WEE2: variants seen among roughly 807,000 people sequenced by gnomAD.
The protein encoded by WEE2 is wee1-like protein kinase 2.
A neutral mutation model predicts 60.1 loss-of-function variants in WEE2; 50 were observed. That is an observed-to-expected ratio of 0.83 (90% CI 0.66 to 1.05). The LOEUF (loss-of-function observed/expected upper bound fraction) is 1.05, where lower values mean the gene tolerates loss of function less well. Ranked by LOEUF, WEE2 falls within the 50% of genes least tolerant of loss-of-function variation. The probability of loss-of-function intolerance (pLI) is 0.00; values close to 1 mark genes in which losing one functional copy is unlikely to be tolerated. For missense variants in WEE2, 631 were observed against 684.3 expected (o/e 0.92, Z 0.87); for synonymous variants, 240 against 241.0 (o/e 1.00, Z 0.04).
rs565451401 is a variant in WEE2, at chr7:141,714,282, C to T, written c.416C>T (p.Thr139Ile). 3 of 1,613,976 alleles carry T rather than the reference C, an allele frequency of 1.9e-6. 1 individual carries two copies. Among genetic ancestry groups the T allele is most frequent in the East Asian group, 2.2e-5 (1 of 44,880 alleles). The part of the protein sequence containing the change: ...PSRGPKHLKL[T>I]PAPLKDEMTS... Reference sequence around the variant, plus strand: ...AGAGGCCCTAAGCATTTGAAGCTCACACCTGCTCCCCTCAAGGATGAGATG... The same window carrying T: ...AGAGGCCCTAAGCATTTGAAGCTCATACCTGCTCCCCTCAAGGATGAGATG... Residue 139 changes from threonine to isoleucine, a missense_variant, in exon 2 of 12, where the codon ACA becomes ATA. Transcript: ENST00000397541.
At chr7:141,709,193 G>C (rs1042391771) in intron 1 of WEE2, 93 bp downstream of exon 1, 1 of 947,666 alleles carries the variant, frequency 1.1e-6, no homozygotes, top group Non-Finnish European at 1.6e-6. Flanking sequence ...GTGTATGACA[G>C]TCACCTCCAG....
chr7:141,729,743 C>T, intron 11 of WEE2, 70 bp downstream of exon 11: 1 of 1,518,874 alleles, frequency 6.6e-7, no homozygotes, highest in South Asian at 1.3e-5. Flanking sequence ...AATCCCAACA[C>T]TTTGGGAGGC....
intron 4 of WEE2, among the ~76,000 whole-genome samples, 169 bp downstream of exon 4, chr7:141,719,413 C>CCT (rs1191338316): frequency 6.6e-6 from 1 of 152,122 alleles, no homozygotes; most frequent in Non-Finnish European, 1.5e-5. Context: ...TTTTCCAGCT[C>CCT]AGAGATGTTA....
In WEE2 at chr7:141,725,441, C is replaced by T. The variant is rs533228462; in HGVS notation, c.1392+245C>T. Among the ~76,000 whole-genome samples the T allele has an allele frequency of 2.6e-4, 40 of 152,026 alleles. No homozygotes were observed. The East Asian group carries it at 7.7e-3, about 29-fold the overall frequency. On this transcript the variant is annotated intron_variant, in intron 9 of 11. Transcript: ENST00000397541. ...GAAGATGAGACCATCCTGGCTAACA[C>T]GGTGAAACCCCGTCTCTACTAAAAA... is the stretch of plus-strand genomic sequence containing the variant.
At chr7:141,718,690 G>C (rs1798849526) in intron 3 of WEE2, among the ~76,000 whole-genome samples, 1 of 152,006 alleles carries the variant, frequency 6.6e-6, no homozygotes, top group South Asian at 2.1e-4. Flanking sequence ...AAAGAAGGGG[G>C]GTCTTTCATT....
chr7:141,714,425 T>C lies in WEE2; in HGVS notation c.539+20T>C, dbSNP rs76292981. The C allele has an allele frequency of 2.3e-4, 368 of 1,583,632 alleles. 1 individual carries two copies. In the African/African-American group the frequency reaches 4.0e-3, roughly 17 times the overall value. On this transcript the variant is annotated intron_variant, in intron 2 of 11. Transcript: ENST00000397541. ...AGATCTGTAAGTGCTCTATTACTTATGACTTTTGAGAACTGACCCTACTAC... is the reference window on the plus strand; with the variant it reads ...AGATCTGTAAGTGCTCTATTACTTACGACTTTTGAGAACTGACCCTACTAC...
At chr7:141,715,023 A>T (rs1259288437) in intron 2 of WEE2, among the ~76,000 whole-genome samples, 1 of 152,220 alleles carries the variant, frequency 6.6e-6, no homozygotes, top group Non-Finnish European at 1.5e-5. Flanking sequence ...ATCGCCTCCA[A>T]AGTGGGGCAG....
intron 1 of WEE2, among the ~76,000 whole-genome samples, chr7:141,712,942 C>T (rs2117103526): frequency 6.6e-6 from 1 of 152,212 alleles, no homozygotes; most frequent in African/African-American, 2.4e-5. Context: ...TGAACCAATC[C>T]TCAGTCTTCA....
At chr7:141,725,287 G>A (rs1798993578) in intron 9 of WEE2, 91 bp downstream of exon 9, 2 of 1,395,608 alleles carry the variant, frequency 1.4e-6, no homozygotes, top group South Asian at 2.8e-5. Flanking sequence ...GGAGATGCTA[G>A]TAGTGTCACT....
At position 141,711,374 on chromosome 7, in the gene WEE2, A is replaced by C. The variant is rs1798708855; in HGVS notation, c.342+2274A>C. On this transcript the variant is annotated intron_variant, in intron 1 of 11. Coordinates refer to ENST00000397541, the MANE Select transcript of WEE2 (RefSeq NM_001105558.1). The surrounding 1 kb of genome is among the most constrained non-coding windows in gnomAD (Gnocchi z 4.2). ...GGCAGAGAACAGGGCTTGGGAGCAAAACTGAAATGCAACTGGGAAAGTACA... is the reference window on the plus strand; with the variant it reads ...GGCAGAGAACAGGGCTTGGGAGCAACACTGAAATGCAACTGGGAAAGTACA... Among the ~76,000 whole-genome samples the C allele has an allele frequency of 6.6e-6, 1 of 152,202 alleles. No individual in the cohort carries two copies. Among genetic ancestry groups the C allele is most frequent in the African/African-American group, 2.4e-5 (1 of 41,462 alleles).
chr7:141,715,380 T>C (rs1798777859), intron 2 of WEE2, among the ~76,000 whole-genome samples: 1 of 152,208 alleles, frequency 6.6e-6, no homozygotes, highest in Non-Finnish European at 1.5e-5. Context: ...GAGAGTATTT[T>C]TCCTTATTTT....
intron 1 of WEE2, among the ~76,000 whole-genome samples, chr7:141,712,343 T>C (rs970874871): frequency 6.6e-6 from 1 of 152,192 alleles, no homozygotes; most frequent in African/African-American, 2.4e-5. Context: ...TCTTCATAAG[T>C]CAAGTAGCTA....
intron 11 of WEE2, 43 bp downstream of exon 11, chr7:141,729,716 T>G (rs1452953168): frequency 6.3e-7 from 1 of 1,582,916 alleles, no homozygotes; most frequent in Non-Finnish European, 8.6e-7. Flanking sequence ...CAGCCGGGCG[T>G]GGTGGCTCAC....
Position 141,730,353 on chromosome 7 carries a change from C to T in WEE2, c.*33C>T, listed in dbSNP as rs1438480913. The T allele has an allele frequency of 1.2e-6, 2 of 1,607,886 alleles. No individual in the cohort carries two copies. Among genetic ancestry groups the T allele is most frequent in the African/African-American group, 2.7e-5 (2 of 74,726 alleles). On this transcript the variant is annotated 3_prime_UTR_variant, in exon 12 of 12. Coordinates refer to ENST00000397541, the MANE Select transcript of WEE2 (RefSeq NM_001105558.1). ...AAAGGAAAACAGCCCTTGGTTTGGC[C>T]TATGGATTACGAGGTTGCTGTTGCT...
intron 10 of WEE2, among the ~76,000 whole-genome samples, chr7:141,729,079 A>C (rs939264153): frequency 2.0e-5 from 3 of 152,230 alleles, no homozygotes; most frequent in Non-Finnish European, 4.4e-5. Flanking sequence ...TTTGTGGGCC[A>C]TATGCTTTCT....
At chr7:141,724,950 T>G (rs979581680) in intron 8 of WEE2, 76 bp from the exon 9 acceptor site, 134 of 1,518,182 alleles carry the variant, frequency 8.8e-5, no homozygotes, top group Non-Finnish European at 1.1e-4. Context: ...GAATGAACCT[T>G]TCCTACCAGT....
chr7:141,722,354 G>A (rs1007930568), intron 5 of WEE2, among the ~76,000 whole-genome samples: 1 of 152,104 alleles, frequency 6.6e-6, no homozygotes, highest in Non-Finnish European at 1.5e-5. Context: ...GCAGCGAGCC[G>A]AGACCATGCC....
At chr7:141,728,729 G>A (rs938605975) in intron 10 of WEE2, among the ~76,000 whole-genome samples, 17 of 152,186 alleles carry the variant, frequency 1.1e-4, no homozygotes, top group African/African-American at 7.2e-5. Flanking sequence ...GTTAGGAACC[G>A]GACTGCATGG....
At chr7:141,727,068 G>T in intron 9 of WEE2, 1 of 434,908 alleles carries the variant, frequency 2.3e-6, no homozygotes. Context: ...TAGTTAGCCA[G>T]CCAGCTCCAA....
Sources: allele counts gnomAD v4.1 joint callset (sites outside exome capture counted in the v4.1 genomes callset), GRCh38; gene constraint gnomAD v4.1.1; non-coding constraint Gnocchi (gnomAD v3.1); transcripts MANE v1.5; gene names NCBI Gene and HGNC (gene_info 2026-07-23, HGNC 2026-07-21).